The following PLXNC1 variants were observed in gnomAD, a reference collection of about 807,000 sequenced individuals.
The protein encoded by PLXNC1 is plexin-C1.
Under a neutral mutation model 178.2 loss-of-function variants are expected in PLXNC1, and 75 were observed. The observed-to-expected ratio is 0.42, with a 90% CI of 0.35 to 0.51. PLXNC1 has a LOEUF of 0.51. Among genes scored for constraint, PLXNC1 ranks in the 20% least tolerant of loss-of-function variants. The pLI, the probability that PLXNC1 is intolerant of heterozygous loss-of-function variation, is 0.02. For synonymous variants in PLXNC1, 790 were observed against 779.9 expected (o/e 1.01, Z -0.22); for missense variants, 1,503 against 1,984.4 (o/e 0.76, Z 4.61).
intron 20 of PLXNC1, among the ~76,000 whole-genome samples, chr12:94,264,264 C>T (rs1230727845): frequency 5.9e-5 from 9 of 152,142 alleles, no homozygotes; most frequent in Admixed American, 4.6e-4. Context: ...TGCAGACATC[C>T]GTGTCTGCGA....
intron 3 of PLXNC1, among the ~76,000 whole-genome samples, chr12:94,181,931 A>G (rs981992665): frequency 6.6e-5 from 10 of 152,128 alleles, no homozygotes; most frequent in African/African-American, 2.2e-4. Flanking sequence ...AATATACCCA[A>G]TGGGACTGGC....
chr12:94,227,309 T>C, intron 9 of PLXNC1, 74 bp downstream of exon 9: 1 of 835,476 alleles, frequency 1.2e-6, no homozygotes, highest in Non-Finnish European at 2.0e-6. Context: ...CATACTACTT[T>C]GGGTTCCTTA....
intron 24 of PLXNC1, 100 bp downstream of exon 24, chr12:94,294,640 T>C: frequency 1.6e-6 from 1 of 614,234 alleles, no homozygotes; most frequent in East Asian, 2.9e-5. Context: ...TGAGATTGAG[T>C]TGTTGCTATG....
intron 5 of PLXNC1, among the ~76,000 whole-genome samples, chr12:94,212,273 C>CA (rs146191533): frequency 0.024 from 2,155 of 88,966 alleles, 94 homozygotes; most frequent in African/African-American, 0.03. Flanking sequence ...GACTCCGTCT[C>CA]AAAAAAAAAA....
rs1965726688 is a variant in PLXNC1 at position 94,273,689 on chromosome 12, AG to A, written c.3598-5781del. Among the ~76,000 whole-genome samples the A allele has an allele frequency of 3.9e-5, 6 of 152,324 alleles. No homozygotes were observed. In the South Asian group the frequency reaches 1.0e-3, roughly 26 times the overall value. On this transcript the variant is annotated intron_variant, in intron 21 of 30. Transcript: ENST00000258526. ...AGTACTTCCCAAGCAGGATGAGTAC[AG>A]GTTCTGATTTGTATCACCTACAGTG...
At position 94,260,541 on chromosome 12, in the gene PLXNC1, C is replaced by G. The variant is rs1964966403; in HGVS notation, c.3252-101C>G. 1.6e-6 allele frequency: 1 copy of G among 634,024 alleles called. No homozygotes were observed. The highest frequency in any genetic ancestry group is 1.9e-5 in the South Asian group (1 of 52,764). The allele number at this position is 634,024 out of a possible 1,614,324, so 39.3% of individuals were successfully genotyped here. A position where few individuals can be genotyped will look rare whatever the true frequency, so the allele number is the denominator to read the frequency against. On this transcript the variant is annotated intron_variant, in intron 19 of 30. Coordinates refer to ENST00000258526, the MANE Select transcript of PLXNC1 (RefSeq NM_005761.3). This position sits in a 1 kb window ranked among gnomAD's most constrained non-coding sequence, Gnocchi z 4.4. The stretch of plus-strand genomic sequence containing the variant: ...AAAAAAAAAAAAGCTCCCAACCCAA[C>G]AGGCCAGCTCCCTGCCCTGCCAGTG...
chr12:94,149,511 C>A lies in PLXNC1; in HGVS notation c.540C>A (p.Ala180=), dbSNP rs900996489. The change falls in exon 1 of 31, where the codon GCC becomes GCA. Residue 180 remains alanine (A), a synonymous_variant. Coordinates refer to ENST00000258526, the MANE Select transcript of PLXNC1 (RefSeq NM_005761.3). The part of the protein sequence containing the change: ...GRNNRWYLAV[A]ATYVLPEPET... ...ACAACCGCTGGTACCTGGCGGTGGCCGCCACCTACGTGCTGCCTGAGCCGG... is the reference window on the plus strand; with the variant it reads ...ACAACCGCTGGTACCTGGCGGTGGCAGCCACCTACGTGCTGCCTGAGCCGG... 1.4e-5 allele frequency: 22 copies of A among 1,534,896 alleles called. No homozygotes were observed. The highest frequency in any genetic ancestry group is 1.8e-5 in the Non-Finnish European group (21 of 1,146,288).
intron 21 of PLXNC1, chr12:94,272,392 G>C (rs1179947661): frequency 6.6e-6 from 1 of 152,358 alleles, no homozygotes; most frequent in African/African-American, 2.4e-5. Context: ...GTAGAAAGGA[G>C]GGCAGATGGT....
chr12:94,244,860 CA>C (rs1326002383), intron 12 of PLXNC1, among the ~76,000 whole-genome samples: 3 of 152,232 alleles, frequency 2.0e-5, no homozygotes, highest in African/African-American at 7.2e-5. Context: ...ATTTCACATA[CA>C]AGTCAGGCCT....
At chr12:94,238,610 T>G (rs1297004502) in intron 10 of PLXNC1, among the ~76,000 whole-genome samples, 1 of 152,218 alleles carries the variant, frequency 6.6e-6, no homozygotes, top group African/African-American at 2.4e-5. Context: ...ACAGTCTACA[T>G]AGAGTATAAT....
intron 21 of PLXNC1, among the ~76,000 whole-genome samples, chr12:94,266,412 G>A (rs547967012): frequency 2.8e-4 from 43 of 152,338 alleles, no homozygotes; most frequent in South Asian, 1.4e-3. Flanking sequence ...TGAGAGGCCG[G>A]AGAGTGGGCT....
intron 20 of PLXNC1, among the ~76,000 whole-genome samples, chr12:94,264,806 T>C (rs1965143395): frequency 6.6e-6 from 1 of 152,216 alleles, no homozygotes; most frequent in South Asian, 2.1e-4. Context: ...AGTTTAAACA[T>C]AAAATAACAA....
At chr12:94,247,697 A>G (rs1964567171) in intron 12 of PLXNC1, among the ~76,000 whole-genome samples, 1 of 152,176 alleles carries the variant, frequency 6.6e-6, no homozygotes, top group Admixed American at 6.5e-5. Flanking sequence ...TGATCTAAGC[A>G]TGTATAATCT....
At chr12:94,169,098 A>G (rs1036457237) in intron 1 of PLXNC1, 55 bp from the exon 2 acceptor site, 64 of 1,471,174 alleles carry the variant, frequency 4.4e-5, no homozygotes, top group Non-Finnish European at 5.6e-5. Flanking sequence ...TATAATGAGA[A>G]CTATTGTTGT....
chr12:94,219,189 T>C (rs969435028), intron 5 of PLXNC1, among the ~76,000 whole-genome samples: 4 of 152,324 alleles, frequency 2.6e-5, no homozygotes, highest in Admixed American at 2.0e-4. Flanking sequence ...TAAATATATT[T>C]AAAATTACAG....
chr12:94,215,229 C>T (rs1030405855), intron 5 of PLXNC1, among the ~76,000 whole-genome samples: 2 of 152,052 alleles, frequency 1.3e-5, no homozygotes, highest in African/African-American at 4.8e-5. Context: ...CATAGCAAAA[C>T]CTTATTAATT....
chr12:94,166,382 CA>C (rs928428758), intron 1 of PLXNC1, among the ~76,000 whole-genome samples: 4 of 152,222 alleles, frequency 2.6e-5, no homozygotes, highest in African/African-American at 9.6e-5. Flanking sequence ...ATCACATTTA[CA>C]AAATTACTTA....
At chr12:94,175,186 T>G (rs1403944502) in intron 2 of PLXNC1, among the ~76,000 whole-genome samples, 1 of 152,174 alleles carries the variant, frequency 6.6e-6, no homozygotes, top group Admixed American at 6.5e-5. Context: ...TGAGCTTGTG[T>G]GTGTGTATGT....
At chr12:94,228,401 TG>T (rs10588928) in intron 9 of PLXNC1, among the ~76,000 whole-genome samples, 3 of 152,328 alleles carry the variant, frequency 2.0e-5, no homozygotes, top group East Asian at 3.9e-4. Flanking sequence ...TTTGTTTGTT[TG>T]TTTTTTCGTT....
Sources: gnomAD v4.1 joint callset for allele counts (sites outside exome capture counted in the v4.1 genomes callset) on GRCh38, gnomAD v4.1.1 for gene constraint, Gnocchi (gnomAD v3.1) non-coding constraint, MANE v1.5 for transcripts, NCBI Gene and HGNC (gene_info 2026-07-23, HGNC 2026-07-21) for gene names.